Variants in GRK4 observed in about 807,000 individuals in gnomAD.
GRK4 encodes G protein-coupled receptor kinase 2-like.
Under a neutral mutation model 77.9 loss-of-function variants are expected in GRK4, and 73 were observed. The ratio of observed to expected loss-of-function variants is 0.94; its 90% CI spans 0.78 to 1.14. The LOEUF (loss-of-function observed/expected upper bound fraction) is 1.14, where lower values mean the gene tolerates loss of function less well. GRK4 is among the 50% of genes most tolerant of loss of function. The probability of loss-of-function intolerance (pLI) is 0.00; values close to 1 mark genes in which losing one functional copy is unlikely to be tolerated. For synonymous variants in GRK4, 257 were observed against 254.4 expected (o/e 1.01, Z -0.10); for missense variants, 729 against 700.2 (o/e 1.04, Z -0.46).
At chr4:2,980,335 T>C (rs930033998) in intron 1 of GRK4, among the ~76,000 whole-genome samples, 2 of 152,074 alleles carry the variant, frequency 1.3e-5, no homozygotes, top group African/African-American at 4.8e-5. Context: ...GCACCTTGAC[T>C]TGTTTCCCTC....
intron 4 of GRK4, among the ~76,000 whole-genome samples, chr4:2,993,660 G>A (rs1726944723): frequency 2.0e-5 from 3 of 152,136 alleles, no homozygotes; most frequent in Admixed American, 6.6e-5. Flanking sequence ...GTCAACAAGC[G>A]AGACTCTGTC....
At position 2,964,016 on chromosome 4, in the gene GRK4, GCCT is replaced by G. The variant is rs1716539743; in HGVS notation, c.-50_-48del. ...GGGCGGCGGCGTCTCCTCCTGTTCC[GCCT>G]CCTCAGTCTCCTCGGTCTCGCAGAA... On this transcript the variant is annotated 5_prime_UTR_variant, in exon 1 of 16. Transcript: ENST00000398052. The G allele has an allele frequency of 4.6e-6, 7 of 1,538,250 alleles. No individual in the cohort carries two copies. Among genetic ancestry groups the G allele is most frequent in the Non-Finnish European group, 6.2e-6 (7 of 1,122,496 alleles).
intron 2 of GRK4, chr4:2,987,069 C>T (rs573618975): frequency 1.4e-5 from 7 of 494,478 alleles, no homozygotes; most frequent in South Asian, 9.1e-5. Flanking sequence ...GCATTTTCAG[C>T]ACCCCAAAAA....
Position 3,038,548 on chromosome 4 carries a change from A to G in GRK4, c.1683+35A>G, listed in dbSNP as rs200853305. 7.6e-6 allele frequency: 11 copies of G among 1,451,598 alleles called. No homozygotes were observed. The South Asian group carries it at 8.8e-5, about 12-fold the overall frequency. 89.9% of individuals were successfully genotyped at this position (1,451,598 alleles called of 1,614,324 possible). A position where few individuals can be genotyped will look rare whatever the true frequency, so the allele number is the denominator to read the frequency against. On this transcript the variant is annotated intron_variant, in intron 15 of 15. Transcript: ENST00000398052. ...CTTAAAAACTAATATATGTGTGTGTATGTGAAAAAAAAAAAAACATACTGA... is the reference window on the plus strand; with the variant it reads ...CTTAAAAACTAATATATGTGTGTGTGTGTGAAAAAAAAAAAAACATACTGA...
chr4:3,019,060 C>A (rs1417685720), intron 8 of GRK4, among the ~76,000 whole-genome samples: 1 of 151,732 alleles, frequency 6.6e-6, no homozygotes, highest in Non-Finnish European at 1.5e-5. Context: ...AACTGACATA[C>A]AAACCAATAG....
intron 8 of GRK4, among the ~76,000 whole-genome samples, chr4:3,018,112 T>C (rs940772587): frequency 2.0e-5 from 3 of 151,502 alleles, no homozygotes; most frequent in African/African-American, 7.3e-5. Flanking sequence ...GGTCTCACTA[T>C]ATTGCCCATG....
At chr4:2,988,567 G>C (rs1193637351) in intron 2 of GRK4, among the ~76,000 whole-genome samples, 160 bp from the exon 3 acceptor site, 12 of 122,380 alleles carry the variant, frequency 9.8e-5, no homozygotes, top group Non-Finnish European at 1.7e-4. Context: ...GAGGGAGACT[G>C]TCTGAAACAA....
At chr4:3,020,705 T>A (rs979507867) in intron 9 of GRK4, among the ~76,000 whole-genome samples, 2 of 152,072 alleles carry the variant, frequency 1.3e-5, no homozygotes, top group Non-Finnish European at 2.9e-5. Context: ...CCAGTTATAG[T>A]CGGTCCCCCA....
At position 2,988,725 on chromosome 4, in the gene GRK4, A is replaced by T; in HGVS notation, c.149-2A>T. 1.3e-6 allele frequency: 2 copies of T among 1,565,158 alleles called. No homozygotes were observed. The highest frequency in any genetic ancestry group is 1.8e-6 in the Non-Finnish European group (2 of 1,135,392). On this transcript the variant is annotated splice_acceptor_variant, in intron 2 of 15. Coordinates refer to ENST00000398052, the MANE Select transcript of GRK4 (RefSeq NM_182982.3). LOFTEE classifies it high-confidence loss of function. ...TGCTTCTTATCCCTTTGCTTCACCC[A>T]GAAAAGGATTATAGCAGTCTTTGTG... is the stretch of plus-strand genomic sequence containing the variant.
intron 1 of GRK4, among the ~76,000 whole-genome samples, chr4:2,981,439 C>T (rs751775974): frequency 1.1e-4 from 16 of 152,208 alleles, no homozygotes; most frequent in Non-Finnish European, 2.1e-4. Context: ...TTTCTGCAGG[C>T]AGATCATCCC....
intron 1 of GRK4, among the ~76,000 whole-genome samples, chr4:2,980,315 G>C (rs1281042450): frequency 6.6e-6 from 1 of 152,106 alleles, no homozygotes; most frequent in Non-Finnish European, 1.5e-5. Flanking sequence ...AGGATGAAGA[G>C]GAAAGCCTAG....
At chr4:3,021,871 A>C (rs1358719178) in intron 9 of GRK4, among the ~76,000 whole-genome samples, 1 of 152,112 alleles carries the variant, frequency 6.6e-6, no homozygotes, top group South Asian at 2.1e-4. Flanking sequence ...ACCCGCCTGC[A>C]CTCAGTGGGG....
At chr4:3,005,013 A>G (rs1730895555) in intron 5 of GRK4, among the ~76,000 whole-genome samples, 1 of 151,728 alleles carries the variant, frequency 6.6e-6, no homozygotes, top group African/African-American at 2.4e-5. Flanking sequence ...CCCTGTGGTG[A>G]CTCCAGGCCC....
intron 6 of GRK4, among the ~76,000 whole-genome samples, chr4:3,008,569 G>A (rs1731978689): frequency 6.6e-6 from 1 of 152,160 alleles, no homozygotes; most frequent in Non-Finnish European, 1.5e-5. Flanking sequence ...TTGGGAGGCC[G>A]AGGCGGGTGG....
intron 9 of GRK4, among the ~76,000 whole-genome samples, chr4:3,021,109 C>G (rs941829499): frequency 1.3e-5 from 2 of 152,136 alleles, no homozygotes; most frequent in Non-Finnish European, 2.9e-5. Context: ...GCCTGGCCCT[C>G]GTGGCCTTTG....
At chr4:2,981,229 T>C (rs1722774055) in intron 1 of GRK4, among the ~76,000 whole-genome samples, 1 of 152,222 alleles carries the variant, frequency 6.6e-6, no homozygotes, top group African/African-American at 2.4e-5. Context: ...CTCCTTCTCA[T>C]CACCCACAAC....
chr4:3,025,367 T>C (rs1737174239), intron 10 of GRK4, among the ~76,000 whole-genome samples: 1 of 151,306 alleles, frequency 6.6e-6, no homozygotes, highest in Admixed American at 6.6e-5. Flanking sequence ...TTAATTTTGC[T>C]TTCAATTTTT....
chr4:3,002,406 C>T (rs1730090316), intron 4 of GRK4, among the ~76,000 whole-genome samples: 1 of 151,988 alleles, frequency 6.6e-6, no homozygotes, highest in Non-Finnish European at 1.5e-5. Context: ...GAGTTCAAGA[C>T]CAGCCTGGGC....
At chr4:2,996,815 AAAAC>A (rs1434745541) in intron 4 of GRK4, among the ~76,000 whole-genome samples, 1 of 152,174 alleles carries the variant, frequency 6.6e-6, no homozygotes, top group African/African-American at 2.4e-5. Context: ...ACTGAAACAA[AAAAC>A]AAACAAATAA....
Sources: allele counts gnomAD v4.1 joint callset (sites outside exome capture counted in the v4.1 genomes callset), GRCh38; gene constraint gnomAD v4.1.1; transcripts MANE v1.5; gene names NCBI Gene and HGNC (gene_info 2026-07-23, HGNC 2026-07-21).